Variants in LUZP4 observed in about 807,000 individuals in gnomAD.
LUZP4 encodes the protein HOM-TES-85 tumor antigen.
A neutral mutation model predicts 8.5 loss-of-function variants in LUZP4; 11 were observed. That is an observed-to-expected ratio of 1.30 (90% CI 0.82 to 2.14). The LOEUF (loss-of-function observed/expected upper bound fraction) is 2.14. Among genes scored for constraint, LUZP4 ranks in the 30% most tolerant of loss-of-function variants. The pLI is 0.00. For missense variants in LUZP4, 276 were observed against 229.7 expected (o/e 1.20, Z -1.30); for synonymous variants, 104 against 79.4 (o/e 1.31, Z -1.65).
intron 1 of LUZP4, among the ~76,000 whole-genome samples, chrX:115,291,681 G>A (rs1439016872): frequency 9.0e-6 from 1 of 110,879 alleles, no homozygotes; most frequent in Non-Finnish European, 1.9e-5. Flanking sequence ...CAGCACTTTG[G>A]GAGGTTGAGG....
chrX:115,297,302 A>C (rs1300739835), intron 1 of LUZP4, among the ~76,000 whole-genome samples: 2 of 111,822 alleles, frequency 1.8e-5, no homozygotes, highest in Non-Finnish European at 3.8e-5. Context: ...TATATACCAC[A>C]GTTACAGTAT....
intron 1 of LUZP4, among the ~76,000 whole-genome samples, chrX:115,292,470 A>G (rs1556597244): frequency 9.0e-6 from 1 of 111,134 alleles, no homozygotes; most frequent in Non-Finnish European, 1.9e-5. Flanking sequence ...TTGCATATAG[A>G]TCTTGTATCC....
chrX:115,293,273 A>T (rs2073356061), intron 1 of LUZP4, among the ~76,000 whole-genome samples: 1 of 109,731 alleles, frequency 9.1e-6, no homozygotes, highest in Non-Finnish European at 1.9e-5. Flanking sequence ...GTCTGATCTG[A>T]TCCTATTTTT....
In LUZP4 at chrX:115,306,455, A is replaced by T. The variant is rs1556603989; in HGVS notation, c.593A>T (p.His198Leu). ...TCTCATGGCCAATACAAGAGATCTCATGGTCAATCTGAGAGATCTCATGGC... is the reference window on the plus strand; with the variant it reads ...TCTCATGGCCAATACAAGAGATCTCTTGGTCAATCTGAGAGATCTCATGGC... ...ERSHGQYKRS[H>L]GQSERSHGHS... Residue 198 changes from histidine (H) to leucine (L), a missense_variant, in exon 4 of 4, where the codon CAT becomes CTT. His to Leu is a moderately conservative substitution (Grantham distance 99). Transcript: ENST00000371920. The T allele has an allele frequency of 8.3e-7, 1 of 1,209,791 alleles. No homozygotes were observed. Among genetic ancestry groups the T allele is most frequent in the Non-Finnish European group, 1.1e-6 (1 of 895,163 alleles).
rs2073426037 is a variant in LUZP4, at chrX:115,306,873, T to A, written c.*69T>A. The A allele has an allele frequency of 3.1e-6, 3 of 979,492 alleles. No individual in the cohort carries two copies. In the Admixed American group the frequency reaches 7.4e-5, roughly 24 times the overall value. 80.7% of individuals were successfully genotyped at this position (979,492 alleles called of 1,213,427 possible). ...ATATCTATATTCTAATGGCTAAATA[T>A]GTATTTGTTGAAACATGTATATTGG... On this transcript the variant is annotated 3_prime_UTR_variant, in exon 4 of 4. Transcript: ENST00000371920.
At position 115,306,086 on chromosome X, in the gene LUZP4, G is replaced by T. The variant is rs1943300206; in HGVS notation, c.343-119G>T. On this transcript the variant is annotated intron_variant, in intron 3 of 3. Coordinates refer to ENST00000371920, the MANE Select transcript of LUZP4 (RefSeq NM_016383.5). ...AAAACTGGTTGATAAATAAAAGTAA[G>T]CACAGTGGAATTCTAAAAGAAATAG... The T allele has an allele frequency of 4.2e-5, 31 of 744,110 alleles. No individual in the cohort carries two copies. The South Asian group carries it at 9.3e-4, about 22-fold the overall frequency. 61.3% of individuals were successfully genotyped at this position (744,110 alleles called of 1,213,427 possible).
At chrX:115,297,148 A>C (rs1269836688) in intron 1 of LUZP4, among the ~76,000 whole-genome samples, 1 of 111,975 alleles carries the variant, frequency 8.9e-6, no homozygotes, top group Admixed American at 9.5e-5. Flanking sequence ...TATTGACTAT[A>C]GTCACCCTGT....
chrX:115,303,471 T>A (rs886753501), intron 3 of LUZP4, 53 bp downstream of exon 3: 20 of 604,832 alleles, frequency 3.3e-5, no homozygotes, highest in Admixed American at 7.4e-5. Context: ...TTTACTATAT[T>A]TCCTAATATT....
chrX:115,306,657 T>G lies in LUZP4; in HGVS notation c.795T>G (p.Asp265Glu), dbSNP rs1162353245. The change falls in exon 4 of 4, where the codon GAT (aspartate) becomes GAG (glutamate). Residue 265 changes from aspartate to glutamate, a missense_variant. By Grantham distance (45) the Asp-to-Glu change is conservative (BLOSUM62 2). Transcript: ENST00000371920. ...AAGATCTCATAGCCACTCAGAGAGA[T>G]CTCATAGCCACTCAGAGAGATCTCA... ...TQKDLIATQR[D>E]LIATQRDLIV... is the part of the protein sequence containing the mutation. The G allele has an allele frequency of 8.3e-7, 1 of 1,210,813 alleles. No homozygotes were observed. The highest frequency in any genetic ancestry group is 2.2e-5 in the Admixed American group (1 of 45,924).
At chrX:115,305,210 A>G (rs1178763829) in intron 3 of LUZP4, among the ~76,000 whole-genome samples, 1 of 112,328 alleles carries the variant, frequency 8.9e-6, no homozygotes, top group Non-Finnish European at 1.9e-5. Flanking sequence ...TGTGCTCCCA[A>G]CACCAATCAC....
chrX:115,296,662 A>C (rs2073371975), intron 1 of LUZP4, among the ~76,000 whole-genome samples: 1 of 111,117 alleles, frequency 9.0e-6, no homozygotes, highest in African/African-American at 3.3e-5. Flanking sequence ...CAGCAATTTG[A>C]TTTCATCTCT....
intron 3 of LUZP4, among the ~76,000 whole-genome samples, chrX:115,304,760 T>C (rs1466883230): frequency 9.1e-6 from 1 of 109,896 alleles, no homozygotes; most frequent in Non-Finnish European, 1.9e-5. Context: ...TTCATACTTT[T>C]GAAACTTTTG....
intron 1 of LUZP4, among the ~76,000 whole-genome samples, chrX:115,290,689 T>C (rs782581826): frequency 9.0e-6 from 1 of 110,857 alleles, no homozygotes; most frequent in South Asian, 3.9e-4. Flanking sequence ...GGATGGAAGC[T>C]GACTTTAGAA....
intron 1 of LUZP4, among the ~76,000 whole-genome samples, chrX:115,295,058 C>T (rs928904616): frequency 6.3e-5 from 7 of 111,462 alleles, no homozygotes; most frequent in Middle Eastern, 9.2e-3. Flanking sequence ...TATCACAGGC[C>T]CTTGCGGTTT....
At chrX:115,296,356 C>T (rs1230387728) in intron 1 of LUZP4, among the ~76,000 whole-genome samples, 1 of 111,219 alleles carries the variant, frequency 9.0e-6, no homozygotes, top group Non-Finnish European at 1.9e-5. Flanking sequence ...ATCAAGAATT[C>T]AAATTTAAGG....
In LUZP4 at chrX:115,306,914, A is replaced by T; in HGVS notation, c.*110A>T. The T allele has an allele frequency of 1.4e-6, 1 of 717,597 alleles. No individual in the cohort carries two copies. The highest frequency in any genetic ancestry group is 2.1e-6 in the Non-Finnish European group (1 of 478,386). 59.1% of individuals were successfully genotyped at this position (717,597 alleles called of 1,213,427 possible). ...TGTATATTGGGACAAAGACATAAAT[A>T]TTAGAATGGAGGTAATACATACATA... On this transcript the variant is annotated 3_prime_UTR_variant, in exon 4 of 4. Transcript: ENST00000371920.
intron 1 of LUZP4, among the ~76,000 whole-genome samples, chrX:115,292,260 T>TGATC (rs1309972281): frequency 3.6e-5 from 4 of 112,343 alleles, no homozygotes; most frequent in African/African-American, 6.5e-5. Context: ...TTTACATCTG[T>TGATC]GATCCATTTT....
rs782770775 is a variant in LUZP4, at chrX:115,306,758, A to AAAGACATCAG, written c.898_907dup (p.Arg303LysfsTer9). The AAAGACATCAG allele has an allele frequency of 8.3e-7, 1 of 1,208,170 alleles. No homozygotes were observed. Among genetic ancestry groups the AAAGACATCAG allele is most frequent in the Non-Finnish European group, 1.1e-6 (1 of 893,404 alleles). ...TCAGGGAGATCTCATGGCCAATCAGAAAGACATCAGAGATACTCAACAGGT... is the reference window on the plus strand; with the variant it reads ...TCAGGGAGATCTCATGGCCAATCAGAAAGACATCAGAAGACATCAGAGATACTCAACAGGT... On this transcript the variant is annotated frameshift_variant, in exon 4 of 4. Transcript: ENST00000371920. LOFTEE classifies it low-confidence loss of function (END_TRUNC).
intron 1 of LUZP4, among the ~76,000 whole-genome samples, chrX:115,291,346 G>T (rs1294097555): frequency 1.8e-5 from 2 of 109,741 alleles, no homozygotes; most frequent in Non-Finnish European, 3.8e-5. Context: ...CAATCCTCCC[G>T]GCTCGGCCTC....
Sources: allele counts gnomAD v4.1 joint callset (sites outside exome capture counted in the v4.1 genomes callset), GRCh38; gene constraint gnomAD v4.1.1; transcripts MANE v1.5; gene names NCBI Gene and HGNC (gene_info 2026-07-23, HGNC 2026-07-21).